PDZD7: variants seen among roughly 807,000 people sequenced by gnomAD.
PDZD7 encodes the protein PDZ domain-containing protein 7.
PDZD7 carries 72 observed loss-of-function variants against 84.7 expected under a neutral mutation model. That is an observed-to-expected ratio of 0.85 (90% CI 0.70 to 1.03). The LOEUF is 1.03. PDZD7 is among the 50% of genes least tolerant of loss of function. The pLI, the probability that PDZD7 is intolerant of heterozygous loss-of-function variation, is 0.00. For missense variants in PDZD7, 1,490 were observed against 1,412.9 expected, an observed-to-expected ratio of 1.05 and a Z score of -0.87; for synonymous variants, 594 against 580.7, an observed-to-expected ratio of 1.02 and a Z score of -0.33.
Position 101,024,059 on chromosome 10 carries a change from T to C in PDZD7, c.236A>G (p.Asp79Gly). The C allele has an allele frequency of 6.2e-7, 1 of 1,614,264 alleles. No individual in the cohort carries two copies. The highest frequency in any genetic ancestry group is 8.5e-7 in the Non-Finnish European group (1 of 1,180,046). ...LINSPIEANSDESDIIHSVRV... is the reference protein window; with the variant it reads ...LINSPIEANSGESDIIHSVRV... ...GACTGAATGGATGATGTCACTTTCA[T>C]CACTGTTGGCTGTGAGGACAGGGAT... Residue 79 changes from aspartate to glycine, a missense_variant, in exon 3 of 17, where the codon GAT (aspartate) becomes GGT (glycine). Asp to Gly is a moderately conservative substitution (Grantham distance 94, BLOSUM62 -1). Transcript: ENST00000619208.
intron 9 of PDZD7, among the ~76,000 whole-genome samples, chr10:101,016,721 G>A (rs759411191): frequency 2.0e-5 from 3 of 152,218 alleles, no homozygotes; most frequent in Non-Finnish European, 2.9e-5. Flanking sequence ...GACAGAGCTT[G>A]GAGAAGTACC....
Position 101,011,971 on chromosome 10 carries a change from C to CACCAA in PDZD7, c.1886_1887insTTGGT (p.Met630TrpfsTer2), listed in dbSNP as rs1852408538. On this transcript the variant is annotated frameshift_variant, in exon 13 of 17. Transcript: ENST00000619208. LOFTEE classifies it high-confidence loss of function. ...CAAAAGCCTCCAGCTCCACAAGCATCACCATGCTGTCGAAGCGGCCCAGGT... is the reference window on the plus strand; with the variant it reads ...CAAAAGCCTCCAGCTCCACAAGCATCACCAAACCATGCTGTCGAAGCGGCCCAGGT... 1 of 1,550,404 alleles carries CACCAA rather than the reference C, an allele frequency of 6.4e-7. No homozygotes were observed. Among genetic ancestry groups the CACCAA allele is most frequent in the South Asian group, 1.2e-5 (1 of 84,062 alleles).
rs749028017 is a variant in PDZD7 at position 101,019,106 on chromosome 10, A to C, written c.1040T>G (p.Met347Arg). The change falls in exon 8 of 17, where the codon ATG becomes AGG. Residue 347 changes from methionine to arginine, a missense_variant. Physicochemically the swap from Met to Arg is moderately conservative, Grantham distance 91. Transcript: ENST00000619208. ...YSSGSLPSDRMDICLGQEEPG... is the reference protein window; with the variant it reads ...YSSGSLPSDRRDICLGQEEPG... ...CTCCTCCTGCCCGAGGCAGATGTCC[A>C]TGCGGTCCGACGGCAGGGAGCCCGA... is the stretch of plus-strand genomic sequence containing the variant. 1.3e-6 allele frequency: 2 copies of C among 1,557,264 alleles called. No individual in the cohort carries two copies. Among genetic ancestry groups the C allele is most frequent in the African/African-American group, 1.3e-5 (1 of 74,164 alleles).
At chr10:101,009,380 G>A (rs1385192132) in intron 15 of PDZD7, 30 bp from the exon 16 acceptor site, 8 of 1,514,740 alleles carry the variant, frequency 5.3e-6, no homozygotes, top group African/African-American at 1.4e-5. Context: ...CCGTGTGAGA[G>A]TGCAGCCGGA....
At chr10:101,018,786 T>A (rs1003008003) in intron 8 of PDZD7, 36 bp downstream of exon 8, 1 of 1,549,626 alleles carries the variant, frequency 6.5e-7, no homozygotes, top group Non-Finnish European at 8.7e-7. Flanking sequence ...GACCAGAGGC[T>A]GTGGAGGGAG....
rs545479057 is a variant in PDZD7, at chr10:101,027,174, G to C, written c.226+2820C>G. Among the ~76,000 whole-genome samples the C allele has an allele frequency of 3.9e-5, 6 of 152,262 alleles. No individual in the cohort carries two copies. The East Asian group carries it at 1.2e-3, about 29-fold the overall frequency. On this transcript the variant is annotated intron_variant, in intron 2 of 16. Transcript: ENST00000619208. ...TCCCTGATTAAAAACTTCAACACCT[G>C]TTCCTGCTTCTAGAACTCCAGTCTC... is the stretch of plus-strand genomic sequence containing the variant.
chr10:101,020,271 C>T (rs2134071775), intron 7 of PDZD7, among the ~76,000 whole-genome samples: 1 of 152,118 alleles, frequency 6.6e-6, no homozygotes, highest in African/African-American at 2.4e-5. Context: ...CCACGCCCAG[C>T]TACTTTGTAT....
chr10:101,023,589 C>T lies in PDZD7; in HGVS notation c.389G>A (p.Gly130Glu), dbSNP rs1410767160. The change falls in exon 4 of 17, where the codon GGG becomes GAG. Residue 130 changes from glycine (G) to glutamate (E), a missense_variant. Transcript: ENST00000619208. ...SSAERAGLCVGDKITEVNGLS... is the reference protein window; with the variant it reads ...SSAERAGLCVEDKITEVNGLS... The stretch of plus-strand genomic sequence containing the variant: ...CCCATTCACCTCCGTGATCTTGTCC[C>T]CCACGCACAGGCCAGCCCGCTCTGC... 2.5e-6 allele frequency: 4 copies of T among 1,613,036 alleles called. No individual in the cohort carries two copies. The highest frequency in any genetic ancestry group is 2.2e-5 in the South Asian group (2 of 91,088).
chr10:101,008,088 T>G lies in PDZD7; in HGVS notation c.*379A>C. 1 of 255,324 alleles carries G rather than the reference T, an allele frequency of 3.9e-6. No individual in the cohort carries two copies. Among genetic ancestry groups the G allele is most frequent in the Non-Finnish European group, 7.5e-6 (1 of 133,398 alleles). 15.8% of individuals were successfully genotyped at this position (255,324 alleles called of 1,614,324 possible). A position where few individuals can be genotyped will look rare whatever the true frequency, so the allele number is the denominator to read the frequency against. On this transcript the variant is annotated 3_prime_UTR_variant, in exon 17 of 17. Transcript: ENST00000619208. Reference sequence around the variant, plus strand: ...TGCTTGGGGTTGAGGAATGGATGCATTGACCCCTTCAGGGCCCTGTCTGAG... The same window carrying G: ...TGCTTGGGGTTGAGGAATGGATGCAGTGACCCCTTCAGGGCCCTGTCTGAG...
rs866906043 is a variant in PDZD7 at position 101,025,158 on chromosome 10, T to G, written c.227-1090A>C. ...AGTGGAATTAGACAGAGGCAGATTT[T>G]GTAAGGAAAAACTTTCTAAAACATT... On this transcript the variant is annotated intron_variant, in intron 2 of 16. Coordinates refer to ENST00000619208, the MANE Select transcript of PDZD7 (RefSeq NM_001195263.2). Among the ~76,000 whole-genome samples the G allele has an allele frequency of 2.6e-4, 39 of 152,368 alleles. No individual in the cohort carries two copies. The Middle Eastern group carries it at 0.01, about 40-fold the overall frequency.
intron 4 of PDZD7, chr10:101,023,186 G>T (rs1483602269): frequency 5.6e-6 from 3 of 533,488 alleles, no homozygotes; most frequent in Non-Finnish European, 1.0e-5. Flanking sequence ...TTGCCTCTGG[G>T]TTTCACAGCA....
At chr10:101,025,919 T>C (rs1424102777) in intron 2 of PDZD7, among the ~76,000 whole-genome samples, 1 of 152,078 alleles carries the variant, frequency 6.6e-6, no homozygotes, top group Non-Finnish European at 1.5e-5. Flanking sequence ...ACCCAGCAAA[T>C]CTCTGTCTGG....
intron 15 of PDZD7, among the ~76,000 whole-genome samples, chr10:101,009,844 T>G (rs1852336255): frequency 6.6e-6 from 1 of 152,110 alleles, no homozygotes; most frequent in Admixed American, 6.5e-5. Context: ...TGACCTCAGG[T>G]GATCCACCCT....
At position 101,020,687 on chromosome 10, in the gene PDZD7, G is replaced by C; in HGVS notation, c.868-9C>G. 6.2e-7 allele frequency: 1 copy of C among 1,612,110 alleles called. No homozygotes were observed. The highest frequency in any genetic ancestry group is 1.1e-5 in the South Asian group (1 of 91,036). On this transcript the variant is annotated splice_polypyrimidine_tract_variant and intron_variant, in intron 6 of 16. Coordinates refer to ENST00000619208, the MANE Select transcript of PDZD7 (RefSeq NM_001195263.2). ...GGATACCGGCCGGTCTCCTGGGGAG[G>C]GGATGGTGGGCATAGGAGGGAAGGG...
chr10:101,015,785 A>ACAGCAGGGCCCGGCCCCTCTCCTGGT lies in PDZD7; in HGVS notation c.1574_1599dup (p.Ser534ThrfsTer45). The stretch of plus-strand genomic sequence containing the variant: ...CTGGAGGGACTCCCAGACCTGGCAG[A>ACAGCAGGGCCCGGCCCCTCTCCTGGT]CAGCAGGGCCCGGCCCCTCTCCTGG... On this transcript the variant is annotated frameshift_variant, in exon 11 of 17. Transcript: ENST00000619208. LOFTEE classifies it high-confidence loss of function. The ACAGCAGGGCCCGGCCCCTCTCCTGGT allele has an allele frequency of 2.6e-6, 4 of 1,549,400 alleles. No individual in the cohort carries two copies. The highest frequency in any genetic ancestry group is 3.5e-6 in the Non-Finnish European group (4 of 1,146,808).
At chr10:101,029,943 C>T (rs755677045) in intron 2 of PDZD7, 51 bp downstream of exon 2, 2 of 1,534,480 alleles carry the variant, frequency 1.3e-6, no homozygotes, top group Admixed American at 1.7e-5. Flanking sequence ...TCCCATTGTC[C>T]CCTACCCCCA....
chr10:101,010,298 G>A lies in PDZD7; in HGVS notation c.2591C>T (p.Thr864Ile). Residue 864 changes from threonine (T) to isoleucine (I), a missense_variant, in exon 15 of 17, where the codon ACA becomes ATA. Coordinates refer to ENST00000619208, the MANE Select transcript of PDZD7 (RefSeq NM_001195263.2). ...KNPSGELKTVTLSKMKQSLGI... is the reference protein window; with the variant it reads ...KNPSGELKTVILSKMKQSLGI... The stretch of plus-strand genomic sequence containing the variant: ...TAAGGACTGCTTCATCTTGGACAGT[G>A]TCACTGTCTTCAGCTCGCCACTGGG... The A allele has an allele frequency of 6.5e-7, 1 of 1,534,390 alleles. No individual in the cohort carries two copies.
chr10:101,018,366 T>G, intron 8 of PDZD7, 70 bp from the exon 9 acceptor site: 1 of 1,528,192 alleles, frequency 6.5e-7, no homozygotes, highest in Non-Finnish European at 9.0e-7. Flanking sequence ...GGCAGGGGTG[T>G]GGGGAGGGAC....
At chr10:101,010,218 C>A in intron 15 of PDZD7, 54 bp downstream of exon 15, 1 of 1,467,928 alleles carries the variant, frequency 6.8e-7, no homozygotes, top group Non-Finnish European at 9.0e-7. Context: ...GATTCTTTTC[C>A]TAGGCCCAGG....
Sources: allele counts gnomAD v4.1 joint callset (sites outside exome capture counted in the v4.1 genomes callset), GRCh38; gene constraint gnomAD v4.1.1; transcripts MANE v1.5; gene names NCBI Gene and HGNC (gene_info 2026-07-23, HGNC 2026-07-21).